Variants in LRRD1 observed in about 807,000 individuals in gnomAD.
The protein encoded by LRRD1 is leucine rich repeats and death domain containing 1.
LRRD1 carries 49 observed loss-of-function variants against 69.5 expected under a neutral mutation model. The observed-to-expected ratio is 0.70, with a 90% CI of 0.56 to 0.89. The LOEUF is 0.89. LRRD1 is among the 40% of genes least tolerant of loss of function. LRRD1 has a pLI of 0.00. For missense variants in LRRD1, 853 were observed against 956.0 expected (o/e 0.89, Z 1.42); for synonymous variants, 303 against 338.9 (o/e 0.89, Z 1.16).
chr7:92,172,136 AAAAC>A (rs920723624), intron 1 of LRRD1, among the ~76,000 whole-genome samples: 59 of 152,214 alleles, frequency 3.9e-4, no homozygotes, highest in African/African-American at 1.3e-3. Flanking sequence ...AAAAAAAGAA[AAAAC>A]AAACAAAACC....
chr7:92,158,912 CTT>C lies in LRRD1; in HGVS notation c.2116+91_2116+92del, dbSNP rs1788737345. 18 of 970,906 alleles carry C rather than the reference CTT, an allele frequency of 1.9e-5. No homozygotes were observed. In the South Asian group the frequency reaches 3.0e-4, roughly 16 times the overall value. 60.1% of individuals were successfully genotyped at this position (970,906 alleles called of 1,614,324 possible). ...GGTGACTTAATACCTTATGTTGACT[CTT>C]TGCCATTCTGTATCTTGTCAGCAAA... is the stretch of plus-strand genomic sequence containing the variant. On this transcript the variant is annotated intron_variant, in intron 3 of 5. Coordinates refer to ENST00000458448, the MANE Select transcript of LRRD1 (RefSeq NM_001161528.2).
chr7:92,172,112 C>G (rs374982554), intron 1 of LRRD1, among the ~76,000 whole-genome samples: 1 of 152,180 alleles, frequency 6.6e-6, no homozygotes, highest in African/African-American at 2.4e-5. Flanking sequence ...CAGAGTGAGA[C>G]CAACCCTGTA....
chr7:92,161,937 G>A (rs1188543781), intron 2 of LRRD1, among the ~76,000 whole-genome samples: 1 of 152,170 alleles, frequency 6.6e-6, no homozygotes, highest in African/African-American at 2.4e-5. Flanking sequence ...GTAAGTGACA[G>A]CAGGTGTGGT....
chr7:92,146,614 C>CA (rs35072020), intron 4 of LRRD1, among the ~76,000 whole-genome samples: 23,753 of 130,628 alleles, frequency 0.18, 2,080 homozygotes, highest in East Asian at 0.38. Flanking sequence ...AAGACTGTCT[C>CA]AAAAAAAAAA....
Position 92,163,743 on chromosome 7 carries a change from T to C in LRRD1, c.1460A>G (p.Asp487Gly), listed in dbSNP as rs1197895761. ...MYFPLGLCAL[D>G]SLYYLSVNGN... ...ATTAACACTCAAATAATAAAGAGAA[T>C]CTAAAGCACACAGTCCCAATGGAAA... is the stretch of plus-strand genomic sequence containing the variant. Residue 487 changes from aspartate to glycine, a missense_variant, in exon 2 of 6, where the codon GAT (aspartate) becomes GGT (glycine). Coordinates refer to ENST00000458448, the MANE Select transcript of LRRD1 (RefSeq NM_001161528.2). The C allele has an allele frequency of 6.6e-7, 1 of 1,512,556 alleles. No individual in the cohort carries two copies. Among genetic ancestry groups the C allele is most frequent in the Non-Finnish European group, 8.8e-7 (1 of 1,133,210 alleles). The allele number at this position is 1,512,556 out of a possible 1,614,324, so 93.7% of individuals were successfully genotyped here. A position where few individuals can be genotyped will look rare whatever the true frequency, so the allele number is the denominator to read the frequency against.
In LRRD1 at chr7:92,163,528, G is replaced by C; in HGVS notation, c.1675C>G (p.His559Asp). Reference protein sequence around the residue: ...PASISNMISLHVLILCCNKFE... With the variant: ...PASISNMISLDVLILCCNKFE... ...TTATTACAGCATAAAATAAGTACGT[G>C]GAGTGATATCATATTAGAAATTGAT... Residue 559 changes from histidine (H) to aspartate (D), a missense_variant, in exon 2 of 6, where the codon CAC becomes GAC. Physicochemically the swap from His to Asp is moderately conservative, Grantham distance 81. Around this residue, in one of 3 missense-constraint regions of LRRD1, gnomAD observed 739 missense variants for 808.0 expected, o/e 0.91. Coordinates refer to ENST00000458448, the MANE Select transcript of LRRD1 (RefSeq NM_001161528.2). The C allele has an allele frequency of 6.5e-7, 1 of 1,528,506 alleles. No homozygotes were observed. The highest frequency in any genetic ancestry group is 8.8e-7 in the Non-Finnish European group (1 of 1,138,670). 94.7% of individuals were successfully genotyped at this position (1,528,506 alleles called of 1,614,324 possible).
At chr7:92,169,485 T>C (rs1410211788) in intron 1 of LRRD1, among the ~76,000 whole-genome samples, 1 of 151,694 alleles carries the variant, frequency 6.6e-6, no homozygotes, top group Non-Finnish European at 1.5e-5. Context: ...ATCCCATCTC[T>C]ACTAAAAATA....
intron 4 of LRRD1, among the ~76,000 whole-genome samples, chr7:92,146,729 T>C (rs985172889): frequency 6.6e-6 from 1 of 151,782 alleles, no homozygotes; most frequent in African/African-American, 2.4e-5. Flanking sequence ...GAGATCAGCC[T>C]GACCAACATG....
Position 92,163,755 on chromosome 7 carries a change from A to G in LRRD1, c.1448T>C (p.Leu483Pro). ...YNKIMYFPLG[L>P]CALDSLYYLS... ...ATAATAAAGAGAATCTAAAGCACACAGTCCCAATGGAAAATACATTATTTT... is the reference window on the plus strand; with the variant it reads ...ATAATAAAGAGAATCTAAAGCACACGGTCCCAATGGAAAATACATTATTTT... The change falls in exon 2 of 6, where the codon CTG (leucine) becomes CCG (proline). Residue 483 changes from leucine to proline, a missense_variant. Coordinates refer to ENST00000458448, the MANE Select transcript of LRRD1 (RefSeq NM_001161528.2). 1 of 1,511,930 alleles carries G rather than the reference A, an allele frequency of 6.6e-7. No homozygotes were observed. Among genetic ancestry groups the G allele is most frequent in the Non-Finnish European group, 8.8e-7 (1 of 1,133,654 alleles). 93.7% of individuals were successfully genotyped at this position (1,511,930 alleles called of 1,614,324 possible).
chr7:92,178,895 ACAGGC>A (rs1471829033), intron 1 of LRRD1, 107 bp downstream of exon 1: 1 of 152,254 alleles, frequency 6.6e-6, no homozygotes, highest in African/African-American at 2.4e-5. Context: ...GACATTCAGT[ACAGGC>A]TAACGTAACG....
intron 2 of LRRD1, among the ~76,000 whole-genome samples, chr7:92,161,914 G>A (rs986297878): frequency 2.0e-5 from 3 of 152,108 alleles, no homozygotes; most frequent in Non-Finnish European, 4.4e-5. Context: ...GTAGACTTTG[G>A]GATAATGTGC....
chr7:92,177,267 G>T (rs545875235), intron 1 of LRRD1, among the ~76,000 whole-genome samples: 3 of 151,508 alleles, frequency 2.0e-5, no homozygotes, highest in Non-Finnish European at 2.9e-5. Flanking sequence ...TGGTTTCAAG[G>T]TTATACTACC....
At chr7:92,146,345 C>T in intron 4 of LRRD1, 145 bp from the exon 5 acceptor site, 1 of 525,282 alleles carries the variant, frequency 1.9e-6, no homozygotes, top group East Asian at 3.3e-5. Context: ...TGGCCGGGCA[C>T]AGTGGCTCAC....
chr7:92,151,232 A>G lies in LRRD1; in HGVS notation c.2117-537T>C, dbSNP rs979385337. 2.6e-5 allele frequency among the ~76,000 whole-genome samples: 4 copies of G among 152,180 alleles called. No homozygotes were observed. In the South Asian group the frequency reaches 8.3e-4, roughly 31 times the overall value. Reference sequence around the variant, plus strand: ...TCATTGCATACTTTTATGTCTCATTAGTCGCCTCTGGTTTGTGATAGTTTC... The same window carrying G: ...TCATTGCATACTTTTATGTCTCATTGGTCGCCTCTGGTTTGTGATAGTTTC... On this transcript the variant is annotated intron_variant, in intron 3 of 5. Coordinates refer to ENST00000458448, the MANE Select transcript of LRRD1 (RefSeq NM_001161528.2).
At chr7:92,177,661 C>T (rs962617887) in intron 1 of LRRD1, among the ~76,000 whole-genome samples, 5 of 152,160 alleles carry the variant, frequency 3.3e-5, no homozygotes, top group Non-Finnish European at 5.9e-5. Context: ...GGACTGTATA[C>T]TTGTGTGGGG....
chr7:92,164,684 CT>C lies in LRRD1; in HGVS notation c.518del (p.Lys173ArgfsTer16). On this transcript the variant is annotated frameshift_variant, in exon 2 of 6. Transcript: ENST00000458448. LOFTEE classifies it high-confidence loss of function. ...IKYVKYLYLDKNQIKTFQGAD... is the reference protein window; with the variant it reads ...IKYVKYLYLDXNQIKTFQGAD... ...CCCCTTGAAATGTTTTGATTTGATT[CT>C]TGTCTAAATATAGATATTTTACATA... 1 of 1,551,252 alleles carries C rather than the reference CT, an allele frequency of 6.4e-7. No individual in the cohort carries two copies. Among genetic ancestry groups the C allele is most frequent in the Non-Finnish European group, 8.7e-7 (1 of 1,146,722 alleles).
intron 1 of LRRD1, among the ~76,000 whole-genome samples, chr7:92,173,060 T>G (rs1789091385): frequency 6.6e-6 from 1 of 152,188 alleles, no homozygotes; most frequent in South Asian, 2.1e-4. Context: ...AGCCATCTCA[T>G]TTTTGACAAT....
In LRRD1 at chr7:92,146,056, G is replaced by A; in HGVS notation, c.2396+27C>T. On this transcript the variant is annotated intron_variant, in intron 5 of 5. Coordinates refer to ENST00000458448, the MANE Select transcript of LRRD1 (RefSeq NM_001161528.2). ...TATACATCAGAATGAGAATAAATTT[G>A]TACTAAATGCTGTCATTTATACATA... The A allele has an allele frequency of 4.2e-6, 5 of 1,187,892 alleles. No individual in the cohort carries two copies. In the East Asian group the frequency reaches 1.1e-4, roughly 25 times the overall value. The allele number at this position is 1,187,892 out of a possible 1,614,324, so 73.6% of individuals were successfully genotyped here.
chr7:92,178,709 T>C (rs896107904), intron 1 of LRRD1: 1 of 152,174 alleles, frequency 6.6e-6, no homozygotes, highest in African/African-American at 2.4e-5. Flanking sequence ...CATACAAATA[T>C]TGCCAATTTG....
Sources: allele counts gnomAD v4.1 joint callset (sites outside exome capture counted in the v4.1 genomes callset), GRCh38; gene constraint gnomAD v4.1.1; regional missense constraint gnomAD v4.1.1; transcripts MANE v1.5; gene names NCBI Gene and HGNC (gene_info 2026-07-23, HGNC 2026-07-21).